Variants in CORO2A observed in about 807,000 individuals in gnomAD.
The protein encoded by CORO2A is coronin 2A, also known as coronin-2A.
CORO2A carries 47 observed loss-of-function variants against 62.4 expected under a neutral mutation model. The ratio of observed to expected loss-of-function variants is 0.75; its 90% CI spans 0.60 to 0.96. CORO2A has a LOEUF of 0.96. Ranked by LOEUF, CORO2A falls within the 40% of genes least tolerant of loss-of-function variation. The pLI, the probability that CORO2A is intolerant of heterozygous loss-of-function variation, is 0.00. For synonymous variants in CORO2A, 273 were observed against 268.9 expected, an observed-to-expected ratio of 1.02 and a Z score of -0.15; for missense variants, 610 against 684.1, an observed-to-expected ratio of 0.89 and a Z score of 1.21.
At chr9:98,144,808 C>A (rs564965591) in intron 2 of CORO2A, among the ~76,000 whole-genome samples, 1 of 151,982 alleles carries the variant, frequency 6.6e-6, no homozygotes, top group South Asian at 2.1e-4. Flanking sequence ...GAGGACAGGG[C>A]AAGAGAGGAG....
At chr9:98,156,353 T>C (rs767938199) in intron 2 of CORO2A, among the ~76,000 whole-genome samples, 2 of 152,212 alleles carry the variant, frequency 1.3e-5, no homozygotes, top group African/African-American at 2.4e-5. Flanking sequence ...ACTTCTTAGA[T>C]GGAATGTTTA....
chr9:98,131,438 G>A (rs1009931432), intron 6 of CORO2A, among the ~76,000 whole-genome samples: 2 of 151,190 alleles, frequency 1.3e-5, no homozygotes, highest in African/African-American at 4.9e-5. Flanking sequence ...CGATCCTCTC[G>A]CCTCAGTCTC....
intron 1 of CORO2A, among the ~76,000 whole-genome samples, chr9:98,184,675 T>C (rs1012506108): frequency 1.3e-5 from 2 of 152,136 alleles, no homozygotes; most frequent in African/African-American, 4.8e-5. Flanking sequence ...CTGTGATCTG[T>C]GATGGGGCCA....
chr9:98,124,595 A>C lies in CORO2A; in HGVS notation c.*179T>G, dbSNP rs896450604. 17 of 562,510 alleles carry C rather than the reference A, an allele frequency of 3.0e-5. No homozygotes were observed. In the East Asian group the frequency reaches 4.8e-4, roughly 16 times the overall value. 34.8% of individuals were successfully genotyped at this position (562,510 alleles called of 1,614,324 possible). ...CAATTCAGAAACTGTTGTTGCAAGA[A>C]GGCAAACAGAAAAACGGCACCATGT... On this transcript the variant is annotated 3_prime_UTR_variant, in exon 12 of 12. Transcript: ENST00000375077.
At chr9:98,186,922 T>C (rs1828246039) in intron 1 of CORO2A, among the ~76,000 whole-genome samples, 1 of 152,162 alleles carries the variant, frequency 6.6e-6, no homozygotes, top group Admixed American at 6.5e-5. Flanking sequence ...GCCTGGACTA[T>C]TTCTACAGCC....
At chr9:98,141,555 T>C (rs1248330486) in intron 2 of CORO2A, among the ~76,000 whole-genome samples, 1 of 152,144 alleles carries the variant, frequency 6.6e-6, no homozygotes, top group Admixed American at 6.6e-5. Context: ...GGTTTTGCCA[T>C]GTTGGCCAGG....
chr9:98,183,743 T>A (rs1396821437), intron 1 of CORO2A, among the ~76,000 whole-genome samples: 1 of 152,222 alleles, frequency 6.6e-6, no homozygotes, highest in Non-Finnish European at 1.5e-5. Flanking sequence ...GCAGATTACT[T>A]GAGATCAAGA....
At chr9:98,144,082 G>T (rs936644226) in intron 2 of CORO2A, among the ~76,000 whole-genome samples, 1 of 151,900 alleles carries the variant, frequency 6.6e-6, no homozygotes, top group South Asian at 2.1e-4. Flanking sequence ...CCAGCTACTC[G>T]GGAGGCTGAG....
rs768735284 is a variant in CORO2A, at chr9:98,129,855, G to A, written c.906C>T (p.Ala302=). ...TCAGGTAGCTCAGGTGAGGCTTGTC[G>A]GCGCTCACCTCGTAGTAGCGGATGT... ...DGNIRYYEVS[A]DKPHLSYLTE... is the part of the protein sequence containing the mutation. Residue 302 remains alanine, a synonymous_variant, in exon 8 of 12, where the codon GCC becomes GCT. Coordinates refer to ENST00000375077, the MANE Select transcript of CORO2A (RefSeq NM_052820.4). 4.3e-6 allele frequency: 7 copies of A among 1,613,952 alleles called. No individual in the cohort carries two copies. Among genetic ancestry groups the A allele is most frequent in the African/African-American group, 2.7e-5 (2 of 74,928 alleles).
chr9:98,151,174 C>T (rs1457101070), intron 2 of CORO2A, among the ~76,000 whole-genome samples: 2 of 152,234 alleles, frequency 1.3e-5, no homozygotes, highest in East Asian at 3.9e-4. Flanking sequence ...ATTATGCACC[C>T]AACTACATTA....
intron 1 of CORO2A, 84 bp from the exon 2 acceptor site, chr9:98,157,744 A>G (rs1588004847): frequency 1.5e-6 from 2 of 1,324,590 alleles, no homozygotes; most frequent in East Asian, 2.3e-5. Context: ...AAGAGTACAT[A>G]AGAGGGTACG....
intron 2 of CORO2A, among the ~76,000 whole-genome samples, chr9:98,144,461 C>T (rs1047581670): frequency 5.3e-5 from 8 of 152,168 alleles, no homozygotes; most frequent in African/African-American, 1.9e-4. Flanking sequence ...TTATCATCAT[C>T]ATCATACAGG....
At chr9:98,138,476 G>A (rs1194452888) in intron 2 of CORO2A, among the ~76,000 whole-genome samples, 4 of 151,198 alleles carry the variant, frequency 2.6e-5, no homozygotes, top group African/African-American at 9.7e-5. Flanking sequence ...ATATCAGAAA[G>A]TGGAAACAAC....
In CORO2A at chr9:98,126,755, G is replaced by C; in HGVS notation, c.1240C>G (p.Pro414Ala). 1.2e-6 allele frequency: 2 copies of C among 1,614,174 alleles called. No individual in the cohort carries two copies. The highest frequency in any genetic ancestry group is 1.7e-6 in the Non-Finnish European group (2 of 1,180,042). ...LRPHPLPAER[P>A]IFNSMAPASP... Reference sequence around the variant, plus strand: ...GCTGGGGCCATGGAATTGAAGATAGGTCTCTCTGCAGGCAGTGGGTGGGGT... The same window carrying C: ...GCTGGGGCCATGGAATTGAAGATAGCTCTCTCTGCAGGCAGTGGGTGGGGT... The change falls in exon 11 of 12, where the codon CCT (proline) becomes GCT (alanine). Residue 414 changes from proline to alanine, a missense_variant. Coordinates refer to ENST00000375077, the MANE Select transcript of CORO2A (RefSeq NM_052820.4).
In CORO2A at chr9:98,126,576, T is replaced by C. The variant is rs1435254980; in HGVS notation, c.1419A>G (p.Glu473=). ...TWLTNGFDVF[E]CPPPKTENEL... is the part of the protein sequence containing the mutation. ...CATTCTCTGTCTTTGGTGGGGGGCA[T>C]TCGAAAACGTCAAAGCCATTTGTCA... The change falls in exon 11 of 12, where the codon GAA becomes GAG. Residue 473 remains glutamate, a synonymous_variant. Coordinates refer to ENST00000375077, the MANE Select transcript of CORO2A (RefSeq NM_052820.4). The C allele has an allele frequency of 3.1e-6, 5 of 1,613,806 alleles. No homozygotes were observed. In the Admixed American group the frequency reaches 5.0e-5, roughly 16 times the overall value.
chr9:98,143,650 T>C (rs1286909335), intron 2 of CORO2A, among the ~76,000 whole-genome samples: 4 of 152,208 alleles, frequency 2.6e-5, no homozygotes, highest in Non-Finnish European at 5.9e-5. Flanking sequence ...ACTTGCTAAG[T>C]ACTCAGTACA....
intron 1 of CORO2A, among the ~76,000 whole-genome samples, chr9:98,175,931 T>C (rs1298204773): frequency 6.6e-6 from 1 of 152,206 alleles, no homozygotes; most frequent in Non-Finnish European, 1.5e-5. Flanking sequence ...AAGTAAATAA[T>C]GGTAACCTTT....
intron 1 of CORO2A, among the ~76,000 whole-genome samples, chr9:98,169,986 G>A (rs1179198269): frequency 6.6e-6 from 1 of 152,110 alleles, no homozygotes; most frequent in African/African-American, 2.4e-5. Context: ...GGTAGCCAAA[G>A]GCAGGGAAAA....
At chr9:98,131,145 G>C (rs772069174) in intron 6 of CORO2A, 86 bp from the exon 7 acceptor site, 8 of 862,054 alleles carry the variant, frequency 9.3e-6, no homozygotes, top group Non-Finnish European at 1.5e-5. Context: ...TGCTGCCATG[G>C]TGCTCTGGGC....
Sources: allele counts gnomAD v4.1 joint callset (sites outside exome capture counted in the v4.1 genomes callset), GRCh38; gene constraint gnomAD v4.1.1; transcripts MANE v1.5; gene names NCBI Gene and HGNC (gene_info 2026-07-23, HGNC 2026-07-21).